The following DAB2 variants were observed in gnomAD, a reference collection of about 807,000 sequenced individuals.
The protein encoded by DAB2 is disabled homolog 2.
DAB2 carries 28 observed loss-of-function variants against 71.6 expected under a neutral mutation model. The ratio of observed to expected loss-of-function variants is 0.39; its 90% CI spans 0.29 to 0.54. DAB2 has a LOEUF of 0.54. DAB2 is among the 20% of genes least tolerant of loss of function. DAB2 has a pLI of 0.68. For missense variants in DAB2, 867 were observed against 928.8 expected, an observed-to-expected ratio of 0.93 and a Z score of 0.86; for synonymous variants, 345 against 339.7, an observed-to-expected ratio of 1.02 and a Z score of -0.17.
intron 1 of DAB2, among the ~76,000 whole-genome samples, chr5:39,413,228 G>A (rs981592345): frequency 1.3e-5 from 2 of 152,064 alleles, no homozygotes; most frequent in African/African-American, 4.8e-5. Context: ...CAAATATTTG[G>A]CTAATCTTCT....
chr5:39,390,029 TA>T, intron 5 of DAB2, 97 bp from the exon 6 acceptor site: 1 of 931,124 alleles, frequency 1.1e-6, no homozygotes, highest in African/African-American at 1.7e-5. Flanking sequence ...ATTTTTTTTT[TA>T]ATCTTAAAAC....
In DAB2 at chr5:39,376,791, C is replaced by G. The variant is rs766009192; in HGVS notation, c.1996G>C (p.Val666Leu). Residue 666 changes from valine (V) to leucine (L), a missense_variant, in exon 12 of 15, where the codon GTG becomes CTG. By Grantham distance (32) the Val-to-Leu change is conservative (BLOSUM62 1). This residue lies in a region of DAB2 where 740 missense variants were observed against 734.3 expected (regional missense o/e 1.01). Transcript: ENST00000320816. ...GTCTGCTCTCCCTTCCGCGCGGGCA[C>G]AGCAGGTGGCTGCCGCAGTTGGAAA... is the stretch of plus-strand genomic sequence containing the variant. ...KDFQLRQPPA[V>L]PARKGEQTSS... 2 of 1,614,016 alleles carry G rather than the reference C, an allele frequency of 1.2e-6. No homozygotes were observed. The highest frequency in any genetic ancestry group is 1.3e-5 in the African/African-American group (1 of 74,922).
At chr5:39,388,459 G>A in intron 8 of DAB2, 92 bp from the exon 9 acceptor site, 1 of 915,296 alleles carries the variant, frequency 1.1e-6, no homozygotes, top group South Asian at 1.5e-5. Flanking sequence ...GTTTAGGAAA[G>A]TAGCTGTCAC....
intron 8 of DAB2, 33 bp from the exon 9 acceptor site, chr5:39,388,400 G>T (rs774695087): frequency 1.4e-6 from 2 of 1,438,522 alleles, no homozygotes; most frequent in Non-Finnish European, 1.9e-6. Context: ...ATTCAGATGT[G>T]TCTACTAAAA....
rs1755164541 is a variant in DAB2 at position 39,389,081 on chromosome 5, A to G, written c.570+16T>C. 1 of 1,612,122 alleles carries G rather than the reference A, an allele frequency of 6.2e-7. No individual in the cohort carries two copies. The highest frequency in any genetic ancestry group is 1.3e-5 in the African/African-American group (1 of 74,880). On this transcript the variant is annotated intron_variant, in intron 7 of 14. Coordinates refer to ENST00000320816, the MANE Select transcript of DAB2 (RefSeq NM_001343.4). Reference sequence around the variant, plus strand: ...GTCACACACATGATTAACAAGAAGTAAAGATGCAATTTTACCTCAACTGCT... The same window carrying G: ...GTCACACACATGATTAACAAGAAGTGAAGATGCAATTTTACCTCAACTGCT...
Position 39,390,463 on chromosome 5 carries a change from G to A in DAB2, c.443C>T (p.Ala148Val), listed in dbSNP as rs1400908467. The change falls in exon 5 of 15, where the codon GCC (alanine) becomes GTC (valine). Residue 148 changes from alanine (A) to valine (V), a missense_variant. Around this residue, in one of 2 missense-constraint regions of DAB2, gnomAD observed 127 missense variants for 194.4 expected, o/e 0.65. Coordinates refer to ENST00000320816, the MANE Select transcript of DAB2 (RefSeq NM_001343.4). ...GCTCACCTGTTGCCCGGTTTTTATG[G>A]CAAAAAACTGATGCTGGCCTTCTCC... ...CGGEGQHQFF[A>V]IKTGQQAEPL... 6.2e-7 allele frequency: 1 copy of A among 1,613,750 alleles called. No individual in the cohort carries two copies. Among genetic ancestry groups the A allele is most frequent in the African/African-American group, 1.3e-5 (1 of 74,870 alleles).
At chr5:39,397,392 A>G (rs913820120) in intron 1 of DAB2, among the ~76,000 whole-genome samples, 1 of 152,134 alleles carries the variant, frequency 6.6e-6, no homozygotes, top group Non-Finnish European at 1.5e-5. Flanking sequence ...GATGGTTCCA[A>G]TGTCTTAACT....
At position 39,406,840 on chromosome 5, in the gene DAB2, G is replaced by A. The variant is rs150094498; in HGVS notation, c.-101-12419C>T. On this transcript the variant is annotated intron_variant, in intron 1 of 14. Coordinates refer to ENST00000320816, the MANE Select transcript of DAB2 (RefSeq NM_001343.4). ...AACAACTTACATGAAAAATATTAGAGTTTTAATATTAAAAAAAACTACTAC... is the reference window on the plus strand; with the variant it reads ...AACAACTTACATGAAAAATATTAGAATTTTAATATTAAAAAAAACTACTAC... Among the ~76,000 whole-genome samples the A allele has an allele frequency of 9.0e-3, 1,367 of 152,084 alleles. 20 individuals are homozygous for A. Among genetic ancestry groups the A allele is most frequent in the African/African-American group, 0.032 (1,308 of 41,474 alleles).
chr5:39,406,010 TGGCAAA>T (rs1325809430), intron 1 of DAB2, among the ~76,000 whole-genome samples: 1 of 152,140 alleles, frequency 6.6e-6, no homozygotes, highest in Non-Finnish European at 1.5e-5. Flanking sequence ...TGGAAGAGTT[TGGCAAA>T]GGCTACTCTT....
chr5:39,376,548 G>C (rs1754835445), intron 12 of DAB2, 102 bp downstream of exon 12: 1 of 1,350,442 alleles, frequency 7.4e-7, no homozygotes. Context: ...CAAGAGCAAA[G>C]CTGTTGGCGG....
Position 39,375,053 on chromosome 5 carries a change from A to G in DAB2, c.2279T>C (p.Met760Thr), listed in dbSNP as rs996919646. ...VASSQPVSSE[M>T]YRDPFGNPFA is the part of the protein sequence containing the mutation. ...AGGATTTCCAAATGGATCCCTATAC[A>G]TCTCAGAAGATACAGGTTGAGAAGA... The change falls in exon 14 of 15, where the codon ATG (methionine) becomes ACG (threonine). Residue 760 changes from methionine (M) to threonine (T), a missense_variant. Coordinates refer to ENST00000320816, the MANE Select transcript of DAB2 (RefSeq NM_001343.4). The G allele has an allele frequency of 6.2e-7, 1 of 1,612,102 alleles. No homozygotes were observed. Among genetic ancestry groups the G allele is most frequent in the Non-Finnish European group, 8.5e-7 (1 of 1,178,664 alleles).
rs1755203274 is a variant in DAB2, at chr5:39,390,557, G to C, written c.349C>G (p.Pro117Ala). The change falls in exon 5 of 15, where the codon CCA (proline) becomes GCA (alanine). Residue 117 changes from proline (P) to alanine (A), a missense_variant. Transcript: ENST00000320816. ...GCAATGAAAGAAATCTTATTTACTGGATGTTCATGCTCTATTACCTTAAAA... is the reference window on the plus strand; with the variant it reads ...GCAATGAAAGAAATCTTATTTACTGCATGTTCATGCTCTATTACCTTAAAA... ...EKTGVIEHEH[P>A]VNKISFIARD... The C allele has an allele frequency of 6.2e-7, 1 of 1,612,744 alleles. No individual in the cohort carries two copies. Among genetic ancestry groups the C allele is most frequent in the Non-Finnish European group, 8.5e-7 (1 of 1,178,948 alleles).
chr5:39,423,191 T>A (rs1250248151), intron 1 of DAB2, among the ~76,000 whole-genome samples: 1 of 152,142 alleles, frequency 6.6e-6, no homozygotes, highest in African/African-American at 2.4e-5. Flanking sequence ...GGGAAGTTAT[T>A]CACCAACAAC....
chr5:39,389,156 A>G (rs765200991), intron 6 of DAB2, 33 bp from the exon 7 acceptor site: 4 of 1,577,570 alleles, frequency 2.5e-6, no homozygotes, highest in Admixed American at 1.7e-5. Flanking sequence ...AGTGATCTTC[A>G]TATTCATAGT....
At chr5:39,395,850 G>A (rs1268943757) in intron 1 of DAB2, among the ~76,000 whole-genome samples, 5 of 146,242 alleles carry the variant, frequency 3.4e-5, no homozygotes, top group Non-Finnish European at 6.0e-5. Flanking sequence ...CCTTTTAATT[G>A]TATAACTTTA....
chr5:39,376,080 C>T lies in DAB2; in HGVS notation c.2164G>A (p.Val722Ile). 6.2e-7 allele frequency: 1 copy of T among 1,614,002 alleles called. No individual in the cohort carries two copies. Among genetic ancestry groups the T allele is most frequent in the Non-Finnish European group, 8.5e-7 (1 of 1,179,962 alleles). ...NEPPKPAPRQ[V>I]SLPVTKSTDN... is the part of the protein sequence containing the mutation. Reference sequence around the variant, plus strand: ...GTAGATTTGGTAACTGGCAGGGAAACTTGTCTGGGAGCTGGCTTTGGTGGT... The same window carrying T: ...GTAGATTTGGTAACTGGCAGGGAAATTTGTCTGGGAGCTGGCTTTGGTGGT... Residue 722 changes from valine to isoleucine, a missense_variant, in exon 13 of 15, where the codon GTT (valine) becomes ATT (isoleucine). Around this residue, in one of 2 missense-constraint regions of DAB2, gnomAD observed 740 missense variants for 734.3 expected, o/e 1.01. Coordinates refer to ENST00000320816, the MANE Select transcript of DAB2 (RefSeq NM_001343.4).
intron 11 of DAB2, 27 bp from the exon 12 acceptor site, chr5:39,377,309 A>T: frequency 6.3e-7 from 1 of 1,587,956 alleles, no homozygotes. Flanking sequence ...AAAAATACTT[A>T]TCAGGAGTCA....
intron 1 of DAB2, chr5:39,408,537 T>G (rs981323714): frequency 1.3e-5 from 2 of 152,200 alleles, no homozygotes; most frequent in African/African-American, 2.4e-5. Flanking sequence ...TCCCAGTGGC[T>G]ATGAATAGCT....
rs1202535714 is a variant in DAB2, at chr5:39,375,006, C to G, written c.*5+8G>C. On this transcript the variant is annotated splice_region_variant and intron_variant, in intron 14 of 14. Transcript: ENST00000320816. Reference sequence around the variant, plus strand: ...CCTGAGACAGGCTTATTAGGATCTTCTACTTACAGAATTTAGGCAAAAGGA... The same window carrying G: ...CCTGAGACAGGCTTATTAGGATCTTGTACTTACAGAATTTAGGCAAAAGGA... 2 of 1,586,618 alleles carry G rather than the reference C, an allele frequency of 1.3e-6. No homozygotes were observed. Among genetic ancestry groups the G allele is most frequent in the Middle Eastern group, 1.7e-4 (1 of 5,988 alleles).
Sources: allele counts gnomAD v4.1 joint callset (sites outside exome capture counted in the v4.1 genomes callset), GRCh38; gene constraint gnomAD v4.1.1; regional missense constraint gnomAD v4.1.1; transcripts MANE v1.5; gene names NCBI Gene and HGNC (gene_info 2026-07-23, HGNC 2026-07-21).